Variants in KCNQ1 observed in about 807,000 individuals in gnomAD.
The protein encoded by KCNQ1 is potassium voltage-gated channel subfamily Q member 1, also known as potassium voltage-gated channel subfamily KQT member 1.
A neutral mutation model predicts 72.4 loss-of-function variants in KCNQ1; 49 were observed. That is an observed-to-expected ratio of 0.68 (90% CI 0.54 to 0.86). KCNQ1 has a LOEUF of 0.86. Ranked by LOEUF, KCNQ1 falls within the 40% of genes least tolerant of loss-of-function variation. KCNQ1 has a pLI of 0.00. For synonymous variants in KCNQ1, 450 were observed against 412.6 expected (o/e 1.09, Z -1.10); for missense variants, 790 against 945.1 (o/e 0.84, Z 2.15).
chr11:2,674,102 G>C lies in KCNQ1; in HGVS notation c.1514+12021G>C. ...GGCTAGGTCTCCCTGCCGGTGGGGA[G>C]GGAGGTGTGGAAGCTGGTTTGCCGG... On this transcript the variant is annotated intron_variant, in intron 11 of 15. Transcript: ENST00000155840. The surrounding 1 kb of genome is among the most constrained non-coding windows in gnomAD (Gnocchi z 5.9). 2.5e-6 allele frequency: 1 copy of C among 398,676 alleles called. No individual in the cohort carries two copies. Among genetic ancestry groups the C allele is most frequent in the Non-Finnish European group, 4.4e-6 (1 of 226,168 alleles). 24.7% of individuals were successfully genotyped at this position (398,676 alleles called of 1,614,324 possible).
At chr11:2,838,414 C>A (rs1321113521) in intron 15 of KCNQ1, among the ~76,000 whole-genome samples, 1 of 151,966 alleles carries the variant, frequency 6.6e-6, no homozygotes, top group African/African-American at 2.4e-5. Context: ...GGGTTGTGAG[C>A]GGACTCTGGC....
At chr11:2,765,715 G>A (rs1846485096) in intron 11 of KCNQ1, among the ~76,000 whole-genome samples, 1 of 152,078 alleles carries the variant, frequency 6.6e-6, no homozygotes, top group Admixed American at 6.6e-5. Context: ...TTTATAAATA[G>A]GACATATTCT....
chr11:2,586,116 C>T lies in KCNQ1; in HGVS notation c.1128+809C>T, dbSNP rs375924541. Among the ~76,000 whole-genome samples the T allele has an allele frequency of 1.6e-4, 25 of 152,320 alleles. 1 individual carries two copies. In the East Asian group the frequency reaches 4.4e-3, roughly 27 times the overall value. ...GTTGCCGGGTTGAATGACAAGTGCC[C>T]ACTGGGGATAGGGCCTCCGCCCAGT... On this transcript the variant is annotated intron_variant, in intron 8 of 15. Transcript: ENST00000155840.
rs140847140 is a variant in KCNQ1, at chr11:2,544,225, C to CAT, written c.477+16218_477+16219dup. ...CTCTGATCAATGAGATTATCTATCTCATATATATATATGTGTGTGTGTGTA... is the reference window on the plus strand; with the variant it reads ...CTCTGATCAATGAGATTATCTATCTCATATATATATATATGTGTGTGTGTGTA... On this transcript the variant is annotated intron_variant, in intron 2 of 15. Transcript: ENST00000155840. The surrounding 1 kb of genome is among the most constrained non-coding windows in gnomAD (Gnocchi z 4.4). Among the ~76,000 whole-genome samples the CAT allele has an allele frequency of 1.2e-4, 16 of 137,712 alleles. No individual in the cohort carries two copies. Among genetic ancestry groups the CAT allele is most frequent in the Non-Finnish European group, 2.4e-4 (16 of 66,192 alleles). The allele number at this position is 137,712 out of a possible 152,430, so 90.3% of individuals were successfully genotyped here. A position where few individuals can be genotyped will look rare whatever the true frequency, so the allele number is the denominator to read the frequency against.
At chr11:2,667,308 T>C (rs1850094579) in intron 11 of KCNQ1, 1 of 398,576 alleles carries the variant, frequency 2.5e-6, no homozygotes, top group Non-Finnish European at 4.4e-6. Context: ...ACTGTCTAGG[T>C]GGATGGCCCA....
chr11:2,776,093 T>G, intron 13 of KCNQ1, 39 bp downstream of exon 13: 10 of 1,490,102 alleles, frequency 6.7e-6, no homozygotes, highest in East Asian at 2.5e-5. Flanking sequence ...GGTGCCCAGG[T>G]CCTGCCCAGC....
rs1850658575 is a variant in KCNQ1 at position 2,695,505 on chromosome 11, C to T, written c.1514+33424C>T. ...TGTGAAGTGTACATCTAGTCCCCTGCTCCTAACCACAGTGACCAGCTCCAA... is the reference window on the plus strand; with the variant it reads ...TGTGAAGTGTACATCTAGTCCCCTGTTCCTAACCACAGTGACCAGCTCCAA... On this transcript the variant is annotated intron_variant, in intron 11 of 15. Transcript: ENST00000155840. This position sits in a 1 kb window ranked among gnomAD's most constrained non-coding sequence, Gnocchi z 5.2. 2.5e-6 allele frequency: 1 copy of T among 398,694 alleles called. No homozygotes were observed. Among genetic ancestry groups the T allele is most frequent in the Non-Finnish European group, 4.4e-6 (1 of 226,128 alleles). 24.7% of individuals were successfully genotyped at this position (398,694 alleles called of 1,614,324 possible). A position where few individuals can be genotyped will look rare whatever the true frequency, so the allele number is the denominator to read the frequency against.
In KCNQ1 at chr11:2,718,659, G is replaced by A. The variant is rs141009077; in HGVS notation, c.1515-50185G>A. 2.2e-4 allele frequency among the ~76,000 whole-genome samples: 34 copies of A among 152,292 alleles called. No homozygotes were observed. In the East Asian group the frequency reaches 5.2e-3, roughly 23 times the overall value. ...GACGCATGACTCCCCAGCTGGCTCC[G>A]TACTAGATGACCTGGGCTAGGGCCA... On this transcript the variant is annotated intron_variant, in intron 11 of 15. Transcript: ENST00000155840.
intron 11 of KCNQ1, among the ~76,000 whole-genome samples, chr11:2,763,753 G>C (rs960387342): frequency 6.6e-6 from 1 of 151,566 alleles, no homozygotes. Flanking sequence ...CTACAGATGG[G>C]GTCTCACTAT....
At chr11:2,465,041 G>A (rs1244644628) in intron 1 of KCNQ1, among the ~76,000 whole-genome samples, 1 of 152,232 alleles carries the variant, frequency 6.6e-6, no homozygotes, top group Non-Finnish European at 1.5e-5. Context: ...TCTGTAAAAT[G>A]GGTAACGGCC....
At chr11:2,838,678 C>T (rs1848136480) in intron 15 of KCNQ1, among the ~76,000 whole-genome samples, 1 of 152,120 alleles carries the variant, frequency 6.6e-6, no homozygotes, top group South Asian at 2.1e-4. Context: ...CCGATGTGGG[C>T]AGACCTGGAG....
rs1310273962 is a variant in KCNQ1, at chr11:2,551,461, A to C, written c.478-19167A>C. Among the ~76,000 whole-genome samples the C allele has an allele frequency of 2.6e-5, 4 of 152,370 alleles. No homozygotes were observed. The South Asian group carries it at 6.2e-4, about 24-fold the overall frequency. ...CAGCAGTTTGTCTCCTTTTATTTGG[A>C]AAGGATAAAATGTACCACAGTTTGT... On this transcript the variant is annotated intron_variant, in intron 2 of 15. Transcript: ENST00000155840.
chr11:2,703,082 G>A lies in KCNQ1; in HGVS notation c.1514+41001G>A, dbSNP rs1311654962. ...GCTAGAGAAGCATGTGAGGCTGGGC[G>A]GACTCCAGGCCAGCCCCAGAGGCAG... On this transcript the variant is annotated intron_variant, in intron 11 of 15. Coordinates refer to ENST00000155840, the MANE Select transcript of KCNQ1 (RefSeq NM_000218.3). This position sits in a 1 kb window ranked among gnomAD's most constrained non-coding sequence, Gnocchi z 6.4. 2.6e-5 allele frequency among the ~76,000 whole-genome samples: 4 copies of A among 152,200 alleles called. No homozygotes were observed. The highest frequency in any genetic ancestry group is 9.7e-5 in the African/African-American group (4 of 41,444).
chr11:2,695,829 G>C lies in KCNQ1; in HGVS notation c.1514+33748G>C, dbSNP rs931568259. 2 of 398,466 alleles carry C rather than the reference G, an allele frequency of 5.0e-6. No homozygotes were observed. Among genetic ancestry groups the C allele is most frequent in the Admixed American group, 4.4e-5 (1 of 22,708 alleles). 24.7% of individuals were successfully genotyped at this position (398,466 alleles called of 1,614,324 possible). ...CTGTTGCTTTCATTTACATTTCTCT[G>C]ATAACTGATTAGCTTGGGCAAATTT... On this transcript the variant is annotated intron_variant, in intron 11 of 15. Transcript: ENST00000155840. The surrounding 1 kb of genome is among the most constrained non-coding windows in gnomAD (Gnocchi z 5.2).
intron 2 of KCNQ1, among the ~76,000 whole-genome samples, chr11:2,557,322 A>G (rs980093873): frequency 6.6e-6 from 1 of 152,256 alleles, no homozygotes; most frequent in African/African-American, 2.4e-5. Context: ...CTGCAAGGAC[A>G]GGAAGGTTAA....
At chr11:2,594,041 A>C (rs919164354) in intron 10 of KCNQ1, among the ~76,000 whole-genome samples, 1 of 152,200 alleles carries the variant, frequency 6.6e-6, no homozygotes, top group Non-Finnish European at 1.5e-5. Context: ...TGCTGCATAC[A>C]TTGAGATATT....
At position 2,652,096 on chromosome 11, in the gene KCNQ1, G is replaced by T. The variant is rs941498730; in HGVS notation, c.1394-9865G>T. 3 of 398,592 alleles carry T rather than the reference G, an allele frequency of 7.5e-6. No individual in the cohort carries two copies. Among genetic ancestry groups the T allele is most frequent in the South Asian group, 2.5e-4 (2 of 7,870 alleles). The allele number at this position is 398,592 out of a possible 1,614,324, so 24.7% of individuals were successfully genotyped here. A position where few individuals can be genotyped will look rare whatever the true frequency, so the allele number is the denominator to read the frequency against. Reference sequence around the variant, plus strand: ...AGCTATGGGGAGCCTCTCGGCCCCAGTTCTGGCCTGGCTGGGAGGTGGCCT... The same window carrying T: ...AGCTATGGGGAGCCTCTCGGCCCCATTTCTGGCCTGGCTGGGAGGTGGCCT... On this transcript the variant is annotated intron_variant, in intron 10 of 15. Coordinates refer to ENST00000155840, the MANE Select transcript of KCNQ1 (RefSeq NM_000218.3). This position sits in a 1 kb window ranked among gnomAD's most constrained non-coding sequence, Gnocchi z 5.9.
rs1847146265 is a variant in KCNQ1, at chr11:2,508,744, G to A, written c.387-19184G>A. Among the ~76,000 whole-genome samples the A allele has an allele frequency of 6.6e-6, 1 of 152,224 alleles. No homozygotes were observed. Among genetic ancestry groups the A allele is most frequent in the Non-Finnish European group, 1.5e-5 (1 of 68,046 alleles). On this transcript the variant is annotated intron_variant, in intron 1 of 15. Coordinates refer to ENST00000155840, the MANE Select transcript of KCNQ1 (RefSeq NM_000218.3). The surrounding 1 kb of genome is among the most constrained non-coding windows in gnomAD (Gnocchi z 6.2). Reference sequence around the variant, plus strand: ...CTCTATAGAAACTCCCCGAATGGGAGGGATGGGAAAGACTGTTGAACTAAG... The same window carrying A: ...CTCTATAGAAACTCCCCGAATGGGAAGGATGGGAAAGACTGTTGAACTAAG...
Position 2,541,143 on chromosome 11 carries a change from G to C in KCNQ1, c.477+13125G>C, listed in dbSNP as rs890328700. The stretch of plus-strand genomic sequence containing the variant: ...CCTGGACCTCAGGCAGGCAGGGAGA[G>C]AGACCCCCTTGGGGCCGCGTTCCAT... On this transcript the variant is annotated intron_variant, in intron 2 of 15. Coordinates refer to ENST00000155840, the MANE Select transcript of KCNQ1 (RefSeq NM_000218.3). The surrounding 1 kb of genome is among the most constrained non-coding windows in gnomAD (Gnocchi z 4.8). 2.0e-5 allele frequency among the ~76,000 whole-genome samples: 3 copies of C among 152,258 alleles called. No individual in the cohort carries two copies. The highest frequency in any genetic ancestry group is 7.2e-5 in the African/African-American group (3 of 41,472).
Sources: allele counts gnomAD v4.1 joint callset (sites outside exome capture counted in the v4.1 genomes callset), GRCh38; gene constraint gnomAD v4.1.1; non-coding constraint Gnocchi (gnomAD v3.1); transcripts MANE v1.5; gene names NCBI Gene and HGNC (gene_info 2026-07-23, HGNC 2026-07-21).